The following CNGB1 variants were observed in gnomAD, a reference collection of about 807,000 sequenced individuals.
CNGB1 encodes the protein cyclic nucleotide gated channel subunit beta 1.
A neutral mutation model predicts 151.7 loss-of-function variants in CNGB1; 126 were observed. That is an observed-to-expected ratio of 0.83 (90% CI 0.72 to 0.96). The LOEUF is 0.96. Among genes scored for constraint, CNGB1 ranks in the 40% least tolerant of loss-of-function variants. The pLI, the probability that CNGB1 is intolerant of heterozygous loss-of-function variation, is 0.00. For synonymous variants in CNGB1, 623 were observed against 635.1 expected (o/e 0.98, Z 0.29); for missense variants, 1,698 against 1,627.0 (o/e 1.04, Z -0.75).
At chr16:57,895,591 G>A (rs774547175) in intron 31 of CNGB1, among the ~76,000 whole-genome samples, 29 of 150,798 alleles carry the variant, frequency 1.9e-4, no homozygotes, top group Non-Finnish European at 3.8e-4. Context: ...ATCTTGGTGT[G>A]TATGTGGGTG....
rs189230735 is a variant in CNGB1, at chr16:57,939,514, C to T, written c.1288G>A (p.Glu430Lys). The stretch of plus-strand genomic sequence containing the variant: ...TGGGGCTCCTTTTCAGCCTCCTCTT[C>T]AGCCACCTCCTCGGCCTCCTCCTTG... ...KAKEEAEEVA[E>K]EEAEKEPQDW... Residue 430 changes from glutamate (E) to lysine (K), a missense_variant, in exon 16 of 33, where the codon GAA becomes AAA. Glu to Lys is a moderately conservative substitution (Grantham distance 56, BLOSUM62 1). Transcript: ENST00000251102. The T allele has an allele frequency of 2.0e-4, 317 of 1,614,078 alleles. 1 individual carries two copies. In the African/African-American group the frequency reaches 3.8e-3, roughly 19 times the overall value.
intron 14 of CNGB1, among the ~76,000 whole-genome samples, chr16:57,943,242 C>T (rs1052475289): frequency 1.3e-5 from 2 of 152,096 alleles, no homozygotes; most frequent in South Asian, 2.1e-4. Flanking sequence ...AGACATTCCT[C>T]GGTGTCTCAA....
Position 57,940,259 on chromosome 16 carries a change from G to A in CNGB1, c.1184C>T (p.Thr395Ile), listed in dbSNP as rs1317550319. ...VGVGQSEEDG[T>I]RPQSTSDQKL... ...CTGATCTGAAGTGCTCTGGGGCCGGGTCCCGTCTTCTTCACTCTGGCCCAC... is the reference window on the plus strand; with the variant it reads ...CTGATCTGAAGTGCTCTGGGGCCGGATCCCGTCTTCTTCACTCTGGCCCAC... The change falls in exon 15 of 33, where the codon ACC becomes ATC. Residue 395 changes from threonine (T) to isoleucine (I), a missense_variant. Transcript: ENST00000251102. 7 of 1,575,570 alleles carry A rather than the reference G, an allele frequency of 4.4e-6. No homozygotes were observed. The highest frequency in any genetic ancestry group is 5.2e-6 in the Non-Finnish European group (6 of 1,160,716).
intron 16 of CNGB1, among the ~76,000 whole-genome samples, chr16:57,932,289 C>G (rs557857710): frequency 6.6e-6 from 1 of 152,208 alleles, no homozygotes; most frequent in Admixed American, 6.5e-5. Flanking sequence ...CCTGAGTCAG[C>G]TGCTTCCCCT....
chr16:57,917,127 T>C, intron 21 of CNGB1, 141 bp downstream of exon 21: 1 of 753,252 alleles, frequency 1.3e-6, no homozygotes, highest in Non-Finnish European at 2.4e-6. Context: ...ACCATGCTAT[T>C]GAACAAGCAC....
At chr16:57,948,246 C>T (rs1344641450) in intron 14 of CNGB1, among the ~76,000 whole-genome samples, 2 of 152,168 alleles carry the variant, frequency 1.3e-5, no homozygotes, top group African/African-American at 2.4e-5. Flanking sequence ...GGCTCCCCAT[C>T]GCCTTTGGGA....
At chr16:57,895,551 T>TTA (rs59948135) in intron 31 of CNGB1, among the ~76,000 whole-genome samples, 9,689 of 147,374 alleles carry the variant, frequency 0.066, 329 homozygotes, top group Middle Eastern at 0.1. Flanking sequence ...TATGTATTTT[T>TTA]TATATATATA....
At chr16:57,909,413 C>T (rs438712) in intron 25 of CNGB1, among the ~76,000 whole-genome samples, 88,143 of 151,926 alleles carry the variant, frequency 0.58, 26,201 homozygotes, top group African/African-American at 0.73. Context: ...CTTTTTTTTC[C>T]TGCTCTCTGT....
chr16:57,938,788 C>T (rs993761347), intron 16 of CNGB1, among the ~76,000 whole-genome samples: 1 of 152,122 alleles, frequency 6.6e-6, no homozygotes, highest in Non-Finnish European at 1.5e-5. Flanking sequence ...GGGGTTGGGT[C>T]CCACCTGTCC....
At chr16:57,953,669 C>G (rs2149383305) in intron 12 of CNGB1, among the ~76,000 whole-genome samples, 1 of 152,038 alleles carries the variant, frequency 6.6e-6, no homozygotes, top group South Asian at 2.1e-4. Flanking sequence ...TTCTGGCAGG[C>G]CTGGGTCATG....
intron 14 of CNGB1, among the ~76,000 whole-genome samples, chr16:57,947,559 G>A (rs550087566): frequency 6.6e-6 from 1 of 152,176 alleles, no homozygotes; most frequent in Non-Finnish European, 1.5e-5. Context: ...ACAAGTCAGC[G>A]GGGCATATGG....
At chr16:57,963,086 G>T in intron 4 of CNGB1, 22 bp from the exon 5 acceptor site, 1 of 1,585,742 alleles carries the variant, frequency 6.3e-7, no homozygotes. Context: ...AGAGACACCA[G>T]CCCGCCCTCA....
intron 25 of CNGB1, among the ~76,000 whole-genome samples, chr16:57,909,851 C>T (rs1294577577): frequency 9.2e-5 from 14 of 152,282 alleles, no homozygotes; most frequent in African/African-American, 2.6e-4. Flanking sequence ...CAAATCCCAG[C>T]TCTGTAACTC....
Position 57,939,495 on chromosome 16 carries a change from T to C in CNGB1, c.1307A>G (p.Glu436Gly), listed in dbSNP as rs1484349814. Residue 436 changes from glutamate to glycine, a missense_variant, in exon 16 of 33, where the codon GAG becomes GGG. Transcript: ENST00000251102. Reference protein sequence around the residue: ...EEVAEEEAEKEPQDWAETKEE... With the variant: ...EEVAEEEAEKGPQDWAETKEE... Reference sequence around the variant, plus strand: ...CTTGGTCTCCGCCCAGTCCTGGGGCTCCTTTTCAGCCTCCTCTTCAGCCAC... The same window carrying C: ...CTTGGTCTCCGCCCAGTCCTGGGGCCCCTTTTCAGCCTCCTCTTCAGCCAC... 2 of 1,614,062 alleles carry C rather than the reference T, an allele frequency of 1.2e-6. No homozygotes were observed. Among genetic ancestry groups the C allele is most frequent in the Admixed American group, 1.7e-5 (1 of 59,998 alleles).
intron 2 of CNGB1, among the ~76,000 whole-genome samples, chr16:57,965,895 T>C (rs1962386006): frequency 6.6e-6 from 1 of 152,222 alleles, no homozygotes; most frequent in Non-Finnish European, 1.5e-5. Flanking sequence ...CAAATACATG[T>C]GTGCACACAC....
chr16:57,915,042 A>G (rs1960824639), intron 23 of CNGB1, among the ~76,000 whole-genome samples: 4 of 152,180 alleles, frequency 2.6e-5, no homozygotes, highest in Admixed American at 2.0e-4. Flanking sequence ...TGGCAATAAT[A>G]CTACCTAACA....
chr16:57,923,455 C>T (rs1961103882), intron 17 of CNGB1, 75 bp from the exon 18 acceptor site: 2 of 1,238,992 alleles, frequency 1.6e-6, no homozygotes, highest in Non-Finnish European at 1.2e-6. Context: ...GACTTTGATC[C>T]CTAAAGATCA....
At chr16:57,903,450 C>A (rs1960444858) in intron 27 of CNGB1, among the ~76,000 whole-genome samples, 2 of 152,114 alleles carry the variant, frequency 1.3e-5, no homozygotes, top group South Asian at 4.1e-4. Flanking sequence ...CAAGATTGCT[C>A]CACTGCACTC....
intron 14 of CNGB1, among the ~76,000 whole-genome samples, chr16:57,943,939 G>A (rs1194946164): frequency 2.6e-5 from 4 of 151,886 alleles, no homozygotes; most frequent in Non-Finnish European, 5.9e-5. Flanking sequence ...CCAGGCTGGA[G>A]TGCAATGACG....
Sources: gnomAD v4.1 joint callset for allele counts (sites outside exome capture counted in the v4.1 genomes callset) on GRCh38, gnomAD v4.1.1 for gene constraint, MANE v1.5 for transcripts, NCBI Gene and HGNC (gene_info 2026-07-23, HGNC 2026-07-21) for gene names.